The following CORO7 variants were observed in gnomAD, a reference collection of about 807,000 sequenced individuals.
CORO7 encodes coronin 7, also known as coronin-7.
CORO7 carries 107 observed loss-of-function variants against 126.6 expected under a neutral mutation model. That is an observed-to-expected ratio of 0.85 (90% CI 0.72 to 0.99). CORO7 has a LOEUF of 0.99. CORO7 is among the 50% of genes least tolerant of loss of function. CORO7 has a pLI of 0.00. For missense variants in CORO7, 1,314 were observed against 1,255.8 expected, an observed-to-expected ratio of 1.05 and a Z score of -0.70; for synonymous variants, 603 against 536.8, an observed-to-expected ratio of 1.12 and a Z score of -1.70.
chr16:4,378,102 G>A (rs979313608), intron 9 of CORO7, among the ~76,000 whole-genome samples: 1 of 152,146 alleles, frequency 6.6e-6, no homozygotes, highest in East Asian at 1.9e-4. Flanking sequence ...CCCCCAGCAC[G>A]TGCCCCTAAG....
intron 6 of CORO7, among the ~76,000 whole-genome samples, chr16:4,396,894 T>A (rs112396295): frequency 0.056 from 8,452 of 151,168 alleles, 289 homozygotes; most frequent in Admixed American, 0.1. Flanking sequence ...CAGGCACCTG[T>A]AATCCCAGCT....
At chr16:4,359,450 C>A (rs1332559764) in intron 22 of CORO7, 30 bp downstream of exon 22, 8 of 1,613,354 alleles carry the variant, frequency 5.0e-6, no homozygotes, top group South Asian at 3.3e-5. Context: ...CCACCTCTCA[C>A]CTGCCATCCC....
intron 9 of CORO7, among the ~76,000 whole-genome samples, chr16:4,369,588 C>T (rs761766509): frequency 5.9e-5 from 9 of 152,224 alleles, no homozygotes; most frequent in Non-Finnish European, 1.0e-4. Context: ...CGAGCAGTTT[C>T]AGCCTCCGGA....
intron 9 of CORO7, chr16:4,382,925 G>A (rs754144001): frequency 8.8e-6 from 13 of 1,471,116 alleles, no homozygotes; most frequent in African/African-American, 1.4e-5. Context: ...GGCAGCTGGG[G>A]CCGGGCTCTC....
chr16:4,381,772 C>T (rs1159300769), intron 9 of CORO7: 1 of 1,601,486 alleles, frequency 6.2e-7, no homozygotes, highest in Non-Finnish European at 8.5e-7. Context: ...TGCCCGCAAC[C>T]CCTTCAACTG....
chr16:4,367,181 T>C (rs2054374335), intron 9 of CORO7, among the ~76,000 whole-genome samples: 1 of 152,086 alleles, frequency 6.6e-6, no homozygotes, highest in Non-Finnish European at 1.5e-5. Context: ...GGCCCCTACT[T>C]ACTGAGGGCC....
In CORO7 at chr16:4,361,831, C is replaced by T. The variant is rs754086609; in HGVS notation, c.1578+154G>A. ...GTAAAATGGGGATAAAAGTGGCAGG[C>T]CCCATGGCAGGTGGCTGGGAGGATC... is the stretch of plus-strand genomic sequence containing the variant. On this transcript the variant is annotated intron_variant, in intron 16 of 27. Transcript: ENST00000251166. 8.9e-6 allele frequency: 11 copies of T among 1,238,734 alleles called. No homozygotes were observed. The African/African-American group carries it at 1.2e-4, about 13-fold the overall frequency. The allele number at this position is 1,238,734 out of a possible 1,614,324, so 76.7% of individuals were successfully genotyped here.
In CORO7 at chr16:4,358,461, G is replaced by A. The variant is rs200987657; in HGVS notation, c.2363C>T (p.Thr788Met). 47 of 1,604,250 alleles carry A rather than the reference G, an allele frequency of 2.9e-5. No individual in the cohort carries two copies. Among genetic ancestry groups the A allele is most frequent in the East Asian group, 4.5e-5 (2 of 44,696 alleles). Residue 788 changes from threonine to methionine, a missense_variant, in exon 24 of 28, where the codon ACG becomes ATG. Transcript: ENST00000251166. ...PHKGLVLLPKTECDVREVELM... is the reference protein window; with the variant it reads ...PHKGLVLLPKMECDVREVELM... The stretch of plus-strand genomic sequence containing the variant: ...CTCCACTTCCCGCACGTCGCACTCC[G>A]TCTTAGGCAGGAGGACGAGGCCCTG...
chr16:4,356,535 T>A (rs2053982528), intron 26 of CORO7: 1 of 151,864 alleles, frequency 6.6e-6, no homozygotes, highest in Non-Finnish European at 1.5e-5. Context: ...TGGGTTCAAG[T>A]GATTCTCCTG....
intron 7 of CORO7, among the ~76,000 whole-genome samples, chr16:4,394,595 G>A (rs983454658): frequency 6.6e-6 from 1 of 152,174 alleles, no homozygotes; most frequent in Non-Finnish European, 1.5e-5. Flanking sequence ...CATTACTCAG[G>A]CCTCTGCTCC....
chr16:4,408,353 A>C (rs902056405), intron 3 of CORO7, 102 bp from the exon 4 acceptor site: 6 of 1,528,912 alleles, frequency 3.9e-6, no homozygotes, highest in African/African-American at 2.7e-5. Context: ...GTGCACACAG[A>C]AACAGGCTAC....
intron 9 of CORO7, chr16:4,383,310 T>G (rs539561722): frequency 4.7e-6 from 1 of 212,388 alleles, no homozygotes; most frequent in Admixed American, 6.0e-5. Flanking sequence ...GTGACTCTAG[T>G]CTTGGCCCCA....
chr16:4,377,883 C>T (rs1338894963), intron 9 of CORO7, among the ~76,000 whole-genome samples: 1 of 152,284 alleles, frequency 6.6e-6, no homozygotes, highest in East Asian at 1.9e-4. Flanking sequence ...AGCCCAGGAC[C>T]CCAGCCCACA....
chr16:4,368,867 G>GC (rs1449879524), intron 9 of CORO7, among the ~76,000 whole-genome samples: 2 of 152,220 alleles, frequency 1.3e-5, no homozygotes, highest in Non-Finnish European at 2.9e-5. Context: ...CACACTGGCT[G>GC]CTGGGGGCAC....
chr16:4,409,930 C>T (rs1314710404), intron 3 of CORO7, among the ~76,000 whole-genome samples: 1 of 152,194 alleles, frequency 6.6e-6, no homozygotes, highest in East Asian at 1.9e-4. Flanking sequence ...GGTGCTGGAG[C>T]TCACCTTCCC....
At chr16:4,404,288 G>A (rs1284502744) in intron 6 of CORO7, among the ~76,000 whole-genome samples, 1 of 152,072 alleles carries the variant, frequency 6.6e-6, no homozygotes, top group Non-Finnish European at 1.5e-5. Flanking sequence ...GGCCCTGATG[G>A]GTGCCCTCAT....
chr16:4,401,948 G>GTTTT (rs2055825825), intron 6 of CORO7, among the ~76,000 whole-genome samples: 1 of 136,460 alleles, frequency 7.3e-6, no homozygotes, highest in African/African-American at 2.8e-5. Flanking sequence ...TTGTTTGTTT[G>GTTTT]TTTGTTTTGA....
chr16:4,394,772 G>A (rs2055524873), intron 7 of CORO7, among the ~76,000 whole-genome samples: 1 of 152,238 alleles, frequency 6.6e-6, no homozygotes, highest in Non-Finnish European at 1.5e-5. Flanking sequence ...TGTCCCAGTG[G>A]CTGGATGCCT....
At chr16:4,363,709 T>TCAAAAA (rs528292120) in intron 14 of CORO7, among the ~76,000 whole-genome samples, 1,771 of 149,942 alleles carry the variant, frequency 0.012, 30 homozygotes, top group African/African-American at 0.039. Flanking sequence ...GAGACTCATC[T>TCAAAAA]CAAAAACAAA....
Sources: allele counts gnomAD v4.1 joint callset (sites outside exome capture counted in the v4.1 genomes callset), GRCh38; gene constraint gnomAD v4.1.1; transcripts MANE v1.5; gene names NCBI Gene and HGNC (gene_info 2026-07-23, HGNC 2026-07-21).